Variants in CSMD1 observed in about 807,000 individuals in gnomAD.
CSMD1 encodes the protein CUB and Sushi multiple domains 1.
A neutral mutation model predicts 417.5 loss-of-function variants in CSMD1; 213 were observed. The observed-to-expected ratio is 0.51, with a 90% CI of 0.46 to 0.57. The LOEUF (loss-of-function observed/expected upper bound fraction) is 0.57, where lower values mean the gene tolerates loss of function less well. CSMD1 is among the 20% of genes least tolerant of loss of function. The probability of loss-of-function intolerance (pLI) is 0.00; values close to 1 mark genes in which losing one functional copy is unlikely to be tolerated. For synonymous variants in CSMD1, 2,862 were observed against 1,736.8 expected (o/e 1.65, Z -16.11); for missense variants, 6,923 against 4,529.7 (o/e 1.53, Z -15.17).
intron 2 of CSMD1, among the ~76,000 whole-genome samples, chr8:4,610,816 A>G (rs770828219): frequency 6.6e-6 from 1 of 152,202 alleles, no homozygotes; most frequent in African/African-American, 2.4e-5. Context: ...GATGGCATGC[A>G]TGCCTGTGAG....
At chr8:3,108,547 C>A in intron 44 of CSMD1, 56 bp downstream of exon 44, 3 of 1,567,692 alleles carry the variant, frequency 1.9e-6, no homozygotes, top group South Asian at 1.1e-5. Flanking sequence ...GACAACACTG[C>A]AGGAAACACC....
At chr8:3,402,692 A>G (rs985381396) in intron 15 of CSMD1, among the ~76,000 whole-genome samples, 3 of 152,180 alleles carry the variant, frequency 2.0e-5, no homozygotes, top group African/African-American at 7.2e-5. Flanking sequence ...GTTACCAAAT[A>G]TCTATAACAT....
intron 23 of CSMD1, among the ~76,000 whole-genome samples, chr8:3,310,058 A>T (rs1265949888): frequency 1.3e-5 from 2 of 152,208 alleles, no homozygotes; most frequent in African/African-American, 4.8e-5. Flanking sequence ...AGAAGAGTGT[A>T]TCCATCTTGG....
chr8:3,013,989 T>C (rs1245711885), intron 52 of CSMD1, among the ~76,000 whole-genome samples: 1 of 152,166 alleles, frequency 6.6e-6, no homozygotes, highest in African/African-American at 2.4e-5. Context: ...AACTCCCAAG[T>C]TCTCTGCCTC....
intron 33 of CSMD1, among the ~76,000 whole-genome samples, chr8:3,196,106 G>A (rs1417411138): frequency 1.3e-5 from 2 of 152,126 alleles, no homozygotes; most frequent in Non-Finnish European, 2.9e-5. Context: ...AAACCAAGAT[G>A]GCGACTAAAG....
intron 5 of CSMD1, among the ~76,000 whole-genome samples, chr8:3,773,832 C>G (rs1046000507): frequency 2.6e-5 from 4 of 152,128 alleles, no homozygotes; most frequent in African/African-American, 9.7e-5. Flanking sequence ...CGTTTTCACT[C>G]ACTTTCCCCC....
At position 3,118,412 on chromosome 8, in the gene CSMD1, A is replaced by C. The variant is rs190764685; in HGVS notation, c.6417T>G (p.Phe2139Leu). ...TGATGAACTTACCATCACATCTTGG[A>C]AAAGGGTAGTTCCAGTTTCTGTTGA... ...HGINRNWNYP[F>L]PRCDAPCGYN... The change falls in exon 42 of 70, where the codon TTT becomes TTG. Residue 2139 changes from phenylalanine to leucine, a missense_variant. Phe to Leu is a conservative substitution (Grantham distance 22, BLOSUM62 0). Coordinates refer to ENST00000635120, the MANE Select transcript of CSMD1 (RefSeq NM_033225.6). 118 of 1,612,410 alleles carry C rather than the reference A, an allele frequency of 7.3e-5. No homozygotes were observed. In the Middle Eastern group the frequency reaches 8.2e-4, roughly 11 times the overall value.
intron 37 of CSMD1, among the ~76,000 whole-genome samples, chr8:3,169,459 T>C (rs2129043241): frequency 6.6e-6 from 1 of 152,046 alleles, no homozygotes; most frequent in South Asian, 2.1e-4. Context: ...ATATAAACTA[T>C]CTCTAGTAGT....
At chr8:4,023,536 G>A (rs537602015) in intron 4 of CSMD1, among the ~76,000 whole-genome samples, 2 of 151,600 alleles carry the variant, frequency 1.3e-5, no homozygotes, top group African/African-American at 2.4e-5. Context: ...TCTGTGCTGA[G>A]CAATATTCAC....
intron 1 of CSMD1, among the ~76,000 whole-genome samples, chr8:4,744,351 T>C (rs1414723180): frequency 6.6e-6 from 1 of 152,200 alleles, no homozygotes; most frequent in Non-Finnish European, 1.5e-5. Flanking sequence ...AGCCACAACT[T>C]CTTTCCATTT....
At chr8:3,585,546 G>A (rs1044834531) in intron 9 of CSMD1, among the ~76,000 whole-genome samples, 1 of 152,032 alleles carries the variant, frequency 6.6e-6, no homozygotes, top group South Asian at 2.1e-4. Context: ...GTAAGAATTT[G>A]TGTATACTTC....
intron 7 of CSMD1, among the ~76,000 whole-genome samples, chr8:3,683,303 T>G (rs536317790): frequency 6.6e-6 from 1 of 152,068 alleles, no homozygotes; most frequent in East Asian, 1.9e-4. Flanking sequence ...TATGGATGGA[T>G]CAGTCAAGGC....
At chr8:3,120,352 GA>G in intron 41 of CSMD1, among the ~76,000 whole-genome samples, 1 of 152,322 alleles carries the variant, frequency 6.6e-6, no homozygotes, top group East Asian at 1.9e-4. Context: ...AGAACATATG[GA>G]AGACAGCAAC....
At chr8:3,658,740 G>A (rs937622732) in intron 7 of CSMD1, among the ~76,000 whole-genome samples, 1 of 152,076 alleles carries the variant, frequency 6.6e-6, no homozygotes, top group Admixed American at 6.6e-5. Context: ...CCAAGATCGT[G>A]CCACTGAACT....
chr8:4,369,835 T>C (rs918053339), intron 3 of CSMD1, among the ~76,000 whole-genome samples: 1 of 152,220 alleles, frequency 6.6e-6, no homozygotes, highest in African/African-American at 2.4e-5. Context: ...TTGTTACTTG[T>C]AAGACGAGTA....
chr8:3,028,239 G>A (rs1810089434), intron 51 of CSMD1, among the ~76,000 whole-genome samples: 1 of 152,162 alleles, frequency 6.6e-6, no homozygotes, highest in South Asian at 2.1e-4. Flanking sequence ...TAGAGTTCCT[G>A]ACTCCTTCTC....
At chr8:3,363,782 T>G (rs1809361654) in intron 20 of CSMD1, among the ~76,000 whole-genome samples, 1 of 152,160 alleles carries the variant, frequency 6.6e-6, no homozygotes, top group Non-Finnish European at 1.5e-5. Context: ...GCTAATTCAC[T>G]AGAAGTTAGC....
At chr8:4,656,347 G>T (rs1049263368) in intron 1 of CSMD1, among the ~76,000 whole-genome samples, 1 of 152,018 alleles carries the variant, frequency 6.6e-6, no homozygotes, top group Non-Finnish European at 1.5e-5. Flanking sequence ...GTCAGACCAG[G>T]CATGGTTGTG....
chr8:4,785,446 C>G (rs1308945859), intron 1 of CSMD1, among the ~76,000 whole-genome samples: 1 of 152,102 alleles, frequency 6.6e-6, no homozygotes, highest in African/African-American at 2.4e-5. Flanking sequence ...TCACCATTAG[C>G]TCATGCAGCC....
Sources: allele counts gnomAD v4.1 joint callset (sites outside exome capture counted in the v4.1 genomes callset), GRCh38; gene constraint gnomAD v4.1.1; transcripts MANE v1.5; gene names NCBI Gene and HGNC (gene_info 2026-07-23, HGNC 2026-07-21).